The following LOC128092252 variants were observed in gnomAD, a reference collection of about 807,000 sequenced individuals.
the LOC128092252 span, among the ~76,000 whole-genome samples, chr15:50,665,397 AAAAAAAAAAAAAATTGATC>A: frequency 1.3e-5 from 2 of 151,958 alleles, no homozygotes; most frequent in East Asian, 3.9e-4. Flanking sequence ...TCTGTCTAAA[AAAAAAAAAAAAAATTGATC>A]ATGTGCTTGA....
the LOC128092252 span, among the ~76,000 whole-genome samples, chr15:50,664,494 G>A: frequency 0.03 from 4,618 of 152,022 alleles, 231 homozygotes; most frequent in African/African-American, 0.11. Flanking sequence ...ACATCAATAG[G>A]GATAGAGAAG....
chr15:50,679,539 T>TATATGTGTATATA, the LOC128092252 span, among the ~76,000 whole-genome samples: 1 of 22,306 alleles, frequency 4.5e-5, no homozygotes, highest in African/African-American at 2.1e-4. Context: ...TATATATATA[T>TATATGTGTATATA]TTTTTTTTTT....
the LOC128092252 span, among the ~76,000 whole-genome samples, chr15:50,670,781 C>T: frequency 4.0e-5 from 6 of 149,242 alleles, no homozygotes; most frequent in Non-Finnish European, 8.9e-5. Flanking sequence ...AATAAACTTG[C>T]CTTCACTTTA....
chr15:50,679,123 C>T, the LOC128092252 span, among the ~76,000 whole-genome samples: 1 of 142,048 alleles, frequency 7.0e-6, no homozygotes, highest in African/African-American at 2.7e-5. Context: ...CCACCCGCCT[C>T]AGCCTTCCAA....
At chr15:50,665,466 C>G in the LOC128092252 span, among the ~76,000 whole-genome samples, 22,327 of 151,614 alleles carry the variant, frequency 0.15, 2,214 homozygotes, top group Admixed American at 0.28. Context: ...CACTGGGTAT[C>G]TGGCAGATCA....
chr15:50,664,827 G>A, the LOC128092252 span, among the ~76,000 whole-genome samples: 1 of 152,072 alleles, frequency 6.6e-6, no homozygotes, highest in South Asian at 2.1e-4. Flanking sequence ...CGGGTGTGGT[G>A]GTGCACACCT....
At chr15:50,654,421 T>A in the LOC128092252 span, among the ~76,000 whole-genome samples, 62 of 151,106 alleles carry the variant, frequency 4.1e-4, no homozygotes, top group African/African-American at 1.5e-3. Context: ...CACTCCAGCC[T>A]GGGCAACAGA....
At chr15:50,655,975 C>G in the LOC128092252 span, among the ~76,000 whole-genome samples, 1 of 147,822 alleles carries the variant, frequency 6.8e-6, no homozygotes, top group Non-Finnish European at 1.5e-5. Flanking sequence ...GCCTGGGCAA[C>G]AGGGCAAGAC....
chr15:50,652,328 C>CAAAAAAAAAAAAAAAAAAAAA, the LOC128092252 span, among the ~76,000 whole-genome samples: 1 of 34,224 alleles, frequency 2.9e-5, no homozygotes, highest in African/African-American at 1.4e-4. Context: ...GACTCCATCT[C>CAAAAAAAAAAAAAAAAAAAAA]AAAAAAAAAA....
At chr15:50,656,006 A>C in the LOC128092252 span, among the ~76,000 whole-genome samples, 2 of 113,790 alleles carry the variant, frequency 1.8e-5, no homozygotes, top group Non-Finnish European at 4.2e-5. Context: ...AAAAAGAAAA[A>C]AACAAAAAAA....
the LOC128092252 span, among the ~76,000 whole-genome samples, chr15:50,683,696 G>T: frequency 1.0e-3 from 159 of 152,164 alleles, no homozygotes; most frequent in African/African-American, 3.4e-3. Flanking sequence ...TCCAGCCTGG[G>T]TGACAAGAGC....
At chr15:50,664,264 C>T in the LOC128092252 span, among the ~76,000 whole-genome samples, 3 of 147,342 alleles carry the variant, frequency 2.0e-5, no homozygotes, top group African/African-American at 2.5e-5. Flanking sequence ...GAGCCGAGAT[C>T]GCGCCACTGC....
the LOC128092252 span, among the ~76,000 whole-genome samples, chr15:50,679,093 C>CACCATGTTGGCCAGGATG: frequency 6.7e-6 from 1 of 150,198 alleles, no homozygotes; most frequent in African/African-American, 2.5e-5. Flanking sequence ...AGGATGGTCT[C>CACCATGTTGGCCAGGATG]GATCTCTTGA....
the LOC128092252 span, among the ~76,000 whole-genome samples, chr15:50,661,337 C>G: frequency 6.6e-6 from 1 of 152,094 alleles, no homozygotes; most frequent in East Asian, 1.9e-4. Flanking sequence ...TGCATATAGA[C>G]TGAATGTAGC....
At chr15:50,653,684 A>T in the LOC128092252 span, among the ~76,000 whole-genome samples, 1 of 152,194 alleles carries the variant, frequency 6.6e-6, no homozygotes, top group South Asian at 2.1e-4. Flanking sequence ...AGTAGAGAAC[A>T]GAATTCTAGG....
At chr15:50,664,391 A>G in the LOC128092252 span, among the ~76,000 whole-genome samples, 1 of 152,144 alleles carries the variant, frequency 6.6e-6, no homozygotes, top group Non-Finnish European at 1.5e-5. Flanking sequence ...TACCTAAAGC[A>G]TAAGGGCATG....
the LOC128092252 span, among the ~76,000 whole-genome samples, chr15:50,679,533 TATA>T: frequency 0.23 from 11,416 of 50,708 alleles, 890 homozygotes; most frequent in Non-Finnish European, 0.29. Flanking sequence ...TATATATATA[TATA>T]TATTTTTTTT....
the LOC128092252 span, among the ~76,000 whole-genome samples, chr15:50,676,540 G>A: frequency 3.3e-5 from 5 of 151,898 alleles, no homozygotes; most frequent in East Asian, 3.9e-4. Flanking sequence ...TCAACACAGC[G>A]AGACCTCATC....
At chr15:50,651,509 C>A in the LOC128092252 span, among the ~76,000 whole-genome samples, 1 of 151,396 alleles carries the variant, frequency 6.6e-6, no homozygotes, top group African/African-American at 2.4e-5. Context: ...AAAGAAAGAC[C>A]ATGCTTGTTG....
Sources: gnomAD v4.1 joint callset for allele counts (sites outside exome capture counted in the v4.1 genomes callset) on GRCh38, gnomAD v4.1.1 for gene constraint, MANE v1.5 for transcripts.